The following DNAH10 variants were observed in gnomAD, a reference collection of about 807,000 sequenced individuals.
DNAH10 encodes the protein dynein axonemal heavy chain 10, also known as axonemal beta dynein heavy chain 10.
In DNAH10, 348 loss-of-function variants were observed where a neutral mutation model predicts 506.6. The ratio of observed to expected loss-of-function variants is 0.69; its 90% CI spans 0.63 to 0.75. The LOEUF (loss-of-function observed/expected upper bound fraction) is 0.75. Among genes scored for constraint, DNAH10 ranks in the 30% least tolerant of loss-of-function variants. The probability of loss-of-function intolerance (pLI) is 0.00; values close to 1 mark genes in which losing one functional copy is unlikely to be tolerated. For missense variants in DNAH10, 5,179 were observed against 5,787.1 expected, an observed-to-expected ratio of 0.89 and a Z score of 3.41; for synonymous variants, 2,059 against 2,198.6, an observed-to-expected ratio of 0.94 and a Z score of 1.78.
intron 12 of DNAH10, among the ~76,000 whole-genome samples, chr12:123,794,468 T>TC (rs1397910583): frequency 1.3e-5 from 2 of 152,186 alleles, no homozygotes; most frequent in Non-Finnish European, 2.9e-5. Flanking sequence ...AAGTATGGTG[T>TC]TAGGCACAGA....
At chr12:123,831,761 CCGGGTGTGGTGG>C (rs1448694769) in intron 26 of DNAH10, among the ~76,000 whole-genome samples, 1 of 110,018 alleles carries the variant, frequency 9.1e-6, no homozygotes, top group East Asian at 1.9e-4. Context: ...GGGTGTGGTG[CCGGGTGTGGTGG>C]CGGGTGCCTG....
At chr12:123,794,463 T>TCTAA (rs1382331538) in intron 12 of DNAH10, among the ~76,000 whole-genome samples, 2 of 152,218 alleles carry the variant, frequency 1.3e-5, no homozygotes, top group Non-Finnish European at 2.9e-5. Context: ...ATCTCAAGTA[T>TCTAA]GGTGTTAGGC....
At chr12:123,764,318 C>A (rs1956937813) in intron 1 of DNAH10, among the ~76,000 whole-genome samples, 4 of 152,104 alleles carry the variant, frequency 2.6e-5, no homozygotes, top group Admixed American at 2.6e-4. Context: ...AACCTTCCAG[C>A]CTATTATTTT....
Position 123,762,546 on chromosome 12 carries a change from G to A in DNAH10, c.210G>A (p.Glu70=). 6.4e-7 allele frequency: 1 copy of A among 1,556,462 alleles called. No individual in the cohort carries two copies. The highest frequency in any genetic ancestry group is 8.7e-7 in the Non-Finnish European group (1 of 1,151,696). ...RTMVPEEVEV[E]IDEIPVLSEE... is the part of the protein sequence containing the mutation. ...TGGTGCCGGAGGAGGTGGAGGTGGA[G>A]ATTGGTGAGCCTCGACGCGCCGCTC... The change falls in exon 1 of 79, where the codon GAG becomes GAA. Residue 70 remains glutamate (E), a synonymous_variant. Coordinates refer to ENST00000673944, the MANE Select transcript of DNAH10 (RefSeq NM_001372106.1). This position sits in a 1 kb window ranked among gnomAD's most constrained non-coding sequence, Gnocchi z 5.0.
chr12:123,843,608 C>T (rs372857847), intron 30 of DNAH10, among the ~76,000 whole-genome samples: 39 of 152,198 alleles, frequency 2.6e-4, no homozygotes, highest in Non-Finnish European at 1.8e-4. Flanking sequence ...GACAGAGTCT[C>T]GCTCTGTCAC....
At chr12:123,861,607 C>T (rs1008391854) in intron 39 of DNAH10, among the ~76,000 whole-genome samples, 1 of 152,220 alleles carries the variant, frequency 6.6e-6, no homozygotes, top group African/African-American at 2.4e-5. Flanking sequence ...CACGGCTTTC[C>T]ATCTGTAGAC....
intron 53 of DNAH10, 42 bp from the exon 54 acceptor site, chr12:123,894,601 C>G (rs1176412822): frequency 6.3e-7 from 1 of 1,582,670 alleles, no homozygotes; most frequent in South Asian, 1.1e-5. Flanking sequence ...CGCCACATTG[C>G]CCAGGCTGGG....
At position 123,804,447 on chromosome 12, in the gene DNAH10, C is replaced by A. The variant is rs538685289; in HGVS notation, c.2780-386C>A. Among the ~76,000 whole-genome samples, 3 of 151,828 alleles carry A rather than the reference C, an allele frequency of 2.0e-5. No individual in the cohort carries two copies. In the South Asian group the frequency reaches 6.3e-4, roughly 32 times the overall value. ...GGCTGAGGCAGGAGAATGGCGTGAA[C>A]CTGGGAGGCGGAGCTTGCAGTGAGC... On this transcript the variant is annotated intron_variant, in intron 17 of 78. Coordinates refer to ENST00000673944, the MANE Select transcript of DNAH10 (RefSeq NM_001372106.1).
chr12:123,933,615 A>G (rs1955323095), intron 77 of DNAH10, 104 bp downstream of exon 77: 2 of 1,368,620 alleles, frequency 1.5e-6, no homozygotes, highest in Non-Finnish European at 2.0e-6. Flanking sequence ...TAAATGGGCC[A>G]GGCCATGTTT....
Position 123,800,304 on chromosome 12 carries a change from A to G in DNAH10, c.2378A>G (p.Asn793Ser). The stretch of plus-strand genomic sequence containing the variant: ...TCACCGGCTCTCAGAGAGATTATTA[A>G]TGAAACAAAGTACTTAGAGCAGCTG... ...NFSPALREII[N>S]ETKYLEQLGF... Residue 793 changes from asparagine (N) to serine (S), a missense_variant, in exon 15 of 79, where the codon AAT (asparagine) becomes AGT (serine). Asn to Ser is a conservative substitution (Grantham distance 46, BLOSUM62 1). Coordinates refer to ENST00000673944, the MANE Select transcript of DNAH10 (RefSeq NM_001372106.1). 1 of 1,614,190 alleles carries G rather than the reference A, an allele frequency of 6.2e-7. No homozygotes were observed. Among genetic ancestry groups the G allele is most frequent in the Non-Finnish European group, 8.5e-7 (1 of 1,180,034 alleles).
At position 123,867,558 on chromosome 12, in the gene DNAH10, CA is replaced by C; in HGVS notation, c.7260del (p.Glu2421LysfsTer3). On this transcript the variant is annotated frameshift_variant, in exon 42 of 79. Transcript: ENST00000673944. LOFTEE classifies it high-confidence loss of function. The stretch of plus-strand genomic sequence containing the variant: ...GAAGGAATTGTGGATGGAAGACAAG[CA>C]GAAAAGCTGAAGACAATAGTTCCTC... The part of the protein sequence containing the change: ...IVEGIVDGRQ[A>X]EKLKTIVPQT... 1 of 1,613,886 alleles carries C rather than the reference CA, an allele frequency of 6.2e-7. No homozygotes were observed. The highest frequency in any genetic ancestry group is 1.3e-5 in the African/African-American group (1 of 75,000).
At chr12:123,836,967 C>A (rs1241165286) in intron 28 of DNAH10, among the ~76,000 whole-genome samples, 3 of 99,354 alleles carry the variant, frequency 3.0e-5, no homozygotes, top group African/African-American at 1.6e-4. Context: ...GTTCTCCTGC[C>A]TCAGCCTCCG....
intron 57 of DNAH10, among the ~76,000 whole-genome samples, chr12:123,906,680 T>A (rs989998149): frequency 2.0e-5 from 3 of 152,226 alleles, no homozygotes; most frequent in Non-Finnish European, 2.9e-5. Context: ...CTATTGAGGA[T>A]TTTTTTCCTG....
intron 3 of DNAH10, 54 bp downstream of exon 3, chr12:123,771,752 T>A (rs1957262340): frequency 1.4e-6 from 2 of 1,426,688 alleles, no homozygotes; most frequent in South Asian, 2.4e-5. Flanking sequence ...CTTGATGCCC[T>A]CTAGGATTCA....
In DNAH10 at chr12:123,762,424, A is replaced by G. The variant is rs535557000; in HGVS notation, c.88A>G (p.Asn30Asp). The change falls in exon 1 of 79, where the codon AAC becomes GAC. Residue 30 changes from asparagine to aspartate, a missense_variant. Physicochemically the swap from Asn to Asp is conservative, Grantham distance 23 (BLOSUM62 1). Transcript: ENST00000673944. This position sits in a 1 kb window ranked among gnomAD's most constrained non-coding sequence, Gnocchi z 5.0. ...TDPQLFEDLLNRDDGQGEDLI... is the reference protein window; with the variant it reads ...TDPQLFEDLLDRDDGQGEDLI... ...CCCCCAGCTTTTCGAGGACCTGCTC[A>G]ACCGCGACGACGGCCAGGGCGAGGA... 6.8e-5 allele frequency: 97 copies of G among 1,429,502 alleles called. 1 individual carries two copies. The South Asian group carries it at 1.3e-3, about 20-fold the overall frequency. The allele number at this position is 1,429,502 out of a possible 1,614,324, so 88.6% of individuals were successfully genotyped here. A position where few individuals can be genotyped will look rare whatever the true frequency, so the allele number is the denominator to read the frequency against.
chr12:123,804,459 A>G (rs935284846), intron 17 of DNAH10, among the ~76,000 whole-genome samples: 3 of 151,540 alleles, frequency 2.0e-5, no homozygotes, highest in African/African-American at 7.3e-5. Flanking sequence ...TGGGAGGCGG[A>G]GCTTGCAGTG....
At chr12:123,840,311 T>A (rs919358264) in intron 29 of DNAH10, among the ~76,000 whole-genome samples, 2 of 151,996 alleles carry the variant, frequency 1.3e-5, no homozygotes, top group African/African-American at 4.8e-5. Context: ...CAATGCTAAC[T>A]TCCTTCTTAA....
At chr12:123,796,930 G>A (rs1958299524) in intron 13 of DNAH10, 98 bp downstream of exon 13, 1 of 1,156,294 alleles carries the variant, frequency 8.6e-7, no homozygotes. Flanking sequence ...GAGTGCAGTG[G>A]CGCAATCTCG....
At chr12:123,783,348 T>C in intron 7 of DNAH10, 84 bp downstream of exon 7, 1 of 1,491,292 alleles carries the variant, frequency 6.7e-7, no homozygotes, top group Non-Finnish European at 9.2e-7. Flanking sequence ...GGGGTCTGCA[T>C]CATCTGGCAT....
Sources: allele counts gnomAD v4.1 joint callset (sites outside exome capture counted in the v4.1 genomes callset), GRCh38; gene constraint gnomAD v4.1.1; non-coding constraint Gnocchi (gnomAD v3.1); transcripts MANE v1.5; gene names NCBI Gene and HGNC (gene_info 2026-07-23, HGNC 2026-07-21).